IMMP2L: variants seen among roughly 807,000 people sequenced by gnomAD.
The protein encoded by IMMP2L is mitochondrial inner membrane protease subunit 2.
In IMMP2L, 18 loss-of-function variants were observed where a neutral mutation model predicts 19.3. That is an observed-to-expected ratio of 0.93 (90% CI 0.64 to 1.38). The LOEUF (loss-of-function observed/expected upper bound fraction) is 1.38. Ranked by LOEUF, IMMP2L falls within the 40% of genes most tolerant of loss-of-function variation. The pLI is 0.00. For missense variants in IMMP2L, 233 were observed against 218.2 expected, an observed-to-expected ratio of 1.07 and a Z score of -0.43; for synonymous variants, 76 against 73.0, an observed-to-expected ratio of 1.04 and a Z score of -0.21.
intron 3 of IMMP2L, among the ~76,000 whole-genome samples, chr7:111,027,589 G>C (rs1056714386): frequency 6.6e-6 from 1 of 151,926 alleles, no homozygotes; most frequent in Non-Finnish European, 1.5e-5. Context: ...GTTTCTTCTC[G>C]GAGGGGATTC....
intron 3 of IMMP2L, among the ~76,000 whole-genome samples, chr7:110,993,223 T>C (rs139634074): frequency 7.1e-4 from 108 of 152,260 alleles, no homozygotes; most frequent in African/African-American, 2.5e-3. Flanking sequence ...GTTTGAATGA[T>C]TGAAATGAAA....
At chr7:111,051,658 A>G (rs1329078128) in intron 3 of IMMP2L, among the ~76,000 whole-genome samples, 2 of 152,236 alleles carry the variant, frequency 1.3e-5, no homozygotes, top group Non-Finnish European at 2.9e-5. Flanking sequence ...TAAAAAAACA[A>G]ACAAAAAATG....
chr7:110,677,276 A>G (rs1525672), intron 5 of IMMP2L, among the ~76,000 whole-genome samples: 86,802 of 152,080 alleles, frequency 0.57, 25,680 homozygotes, highest in African/African-American at 0.72. Context: ...AAAACCAAAT[A>G]TCACATGGAA....
intron 5 of IMMP2L, among the ~76,000 whole-genome samples, chr7:110,676,489 A>G (rs1408494012): frequency 6.6e-6 from 1 of 152,206 alleles, no homozygotes; most frequent in Non-Finnish European, 1.5e-5. Context: ...CACCTTTTCT[A>G]TATTATAAAT....
chr7:110,775,201 T>A (rs1314294723), intron 5 of IMMP2L, among the ~76,000 whole-genome samples: 2 of 151,882 alleles, frequency 1.3e-5, no homozygotes, highest in African/African-American at 4.8e-5. Context: ...TTTCTTTTAC[T>A]TTTCTGCATT....
At chr7:111,291,264 A>G (rs539020423) in intron 3 of IMMP2L, among the ~76,000 whole-genome samples, 32 of 152,206 alleles carry the variant, frequency 2.1e-4, no homozygotes, top group Non-Finnish European at 4.1e-4. Context: ...CCTTTGCAGA[A>G]GACCAGTGGT....
At chr7:111,061,525 C>T (rs1304036913) in intron 3 of IMMP2L, among the ~76,000 whole-genome samples, 1 of 152,108 alleles carries the variant, frequency 6.6e-6, no homozygotes, top group Non-Finnish European at 1.5e-5. Flanking sequence ...GTAATTAATA[C>T]TCAATTCCTC....
chr7:110,840,044 G>C (rs190645522), intron 5 of IMMP2L, among the ~76,000 whole-genome samples: 3 of 152,156 alleles, frequency 2.0e-5, no homozygotes, highest in African/African-American at 7.2e-5. Context: ...AGAAGAAAAC[G>C]GCAGAACATA....
chr7:111,230,224 T>C (rs1750132536), intron 3 of IMMP2L, among the ~76,000 whole-genome samples: 3 of 152,082 alleles, frequency 2.0e-5, no homozygotes, highest in South Asian at 4.1e-4. Flanking sequence ...GCATTCTTCA[T>C]TGCTGGGTCA....
chr7:111,052,877 A>T (rs1585976664), intron 3 of IMMP2L, among the ~76,000 whole-genome samples: 1 of 152,304 alleles, frequency 6.6e-6, no homozygotes, highest in East Asian at 1.9e-4. Context: ...CTAAATTAAT[A>T]ACTAGCTTCT....
intron 3 of IMMP2L, among the ~76,000 whole-genome samples, chr7:111,030,884 G>GTATATATA (rs57774530): frequency 2.4e-4 from 30 of 127,082 alleles, no homozygotes; most frequent in Middle Eastern, 4.1e-3. Context: ...GTGTGTGTGT[G>GTATATATA]TATATATATA....
chr7:111,315,734 A>T (rs1363502423), intron 3 of IMMP2L, among the ~76,000 whole-genome samples: 2 of 151,578 alleles, frequency 1.3e-5, no homozygotes, highest in Non-Finnish European at 2.9e-5. Context: ...GGCTTCTTAA[A>T]AAAAAAAAAA....
intron 4 of IMMP2L, among the ~76,000 whole-genome samples, chr7:110,925,594 T>A (rs1368765237): frequency 6.6e-6 from 1 of 152,082 alleles, no homozygotes; most frequent in East Asian, 1.9e-4. Flanking sequence ...AACACATCAA[T>A]AATCAAGTAT....
chr7:110,672,608 C>T (rs915190718), intron 5 of IMMP2L, among the ~76,000 whole-genome samples: 1 of 152,174 alleles, frequency 6.6e-6, no homozygotes, highest in African/African-American at 2.4e-5. Flanking sequence ...AAGTTAGTTA[C>T]GTCCTAGATG....
intron 5 of IMMP2L, among the ~76,000 whole-genome samples, chr7:110,843,952 G>A (rs1278130213): frequency 6.6e-6 from 1 of 152,128 alleles, no homozygotes; most frequent in Admixed American, 6.6e-5. Context: ...AGGAGGAAGG[G>A]GCTGGGTCCT....
At chr7:111,282,587 A>T (rs10234861) in intron 3 of IMMP2L, among the ~76,000 whole-genome samples, 3,008 of 150,180 alleles carry the variant, frequency 0.02, 125 homozygotes, top group African/African-American at 0.07. Flanking sequence ...TCTTTTTTTG[A>T]TTTTTTTTTT....
At chr7:111,472,802 A>T (rs528480166) in intron 3 of IMMP2L, among the ~76,000 whole-genome samples, 3 of 152,212 alleles carry the variant, frequency 2.0e-5, no homozygotes, top group African/African-American at 4.8e-5. Flanking sequence ...TACTGCTCCA[A>T]AAATAGTGCT....
At chr7:111,238,315 T>A (rs1814584539) in intron 3 of IMMP2L, among the ~76,000 whole-genome samples, 1 of 151,912 alleles carries the variant, frequency 6.6e-6, no homozygotes, top group Non-Finnish European at 1.5e-5. Context: ...TGTAAGGTTT[T>A]AAATCTCGGC....
At chr7:110,954,810 A>G (rs1466429966) in intron 4 of IMMP2L, among the ~76,000 whole-genome samples, 1 of 152,092 alleles carries the variant, frequency 6.6e-6, no homozygotes, top group Non-Finnish European at 1.5e-5. Context: ...CACGAGAGAT[A>G]GGTGGACTAA....
Sources: gnomAD v4.1 joint callset for allele counts (sites outside exome capture counted in the v4.1 genomes callset) on GRCh38, gnomAD v4.1.1 for gene constraint, MANE v1.5 for transcripts, NCBI Gene and HGNC (gene_info 2026-07-23, HGNC 2026-07-21) for gene names.